The following GRB10 variants were observed in gnomAD, a reference collection of about 807,000 sequenced individuals.
GRB10 encodes growth factor receptor-bound protein 10.
Under a neutral mutation model 80.9 loss-of-function variants are expected in GRB10, and 20 were observed. The ratio of observed to expected loss-of-function variants is 0.25; its 90% confidence interval spans 0.17 to 0.36. GRB10 has a LOEUF of 0.36. Ranked by LOEUF, GRB10 falls within the 10% of genes least tolerant of loss-of-function variation. The pLI, the probability that GRB10 is intolerant of heterozygous loss-of-function variation, is 1.00. For missense variants in GRB10, 548 were observed against 747.7 expected, an observed-to-expected ratio of 0.73 and a Z score of 3.12; for synonymous variants, 291 against 291.5, an observed-to-expected ratio of 1.00 and a Z score of 0.02.
intron 5 of GRB10, among the ~76,000 whole-genome samples, chr7:50,693,497 AG>A (rs1219615489): frequency 2.0e-5 from 3 of 152,360 alleles, no homozygotes; most frequent in Admixed American, 6.5e-5. Flanking sequence ...GTCAGAAAAC[AG>A]CCGTAATGGG....
chr7:50,699,313 T>C (rs2063841906), intron 5 of GRB10, among the ~76,000 whole-genome samples: 1 of 152,260 alleles, frequency 6.6e-6, no homozygotes, highest in African/African-American at 2.4e-5. Context: ...CAGGCACTGC[T>C]GTCTAATTCT....
chr7:50,608,690 C>T (rs1472540174), intron 13 of GRB10, among the ~76,000 whole-genome samples: 2 of 152,100 alleles, frequency 1.3e-5, no homozygotes, highest in African/African-American at 4.8e-5. Flanking sequence ...TTAGGCCGGG[C>T]GCGGTGGTTC....
chr7:50,721,768 G>C (rs1188196775), intron 4 of GRB10, among the ~76,000 whole-genome samples: 1 of 152,166 alleles, frequency 6.6e-6, no homozygotes, highest in Non-Finnish European at 1.5e-5. Context: ...GGGTGGCTGA[G>C]GATGGGGGAG....
In GRB10 at chr7:50,732,255, T is replaced by A; in HGVS notation, c.51+17A>T. 6.2e-7 allele frequency: 1 copy of A among 1,613,516 alleles called. No homozygotes were observed. Among genetic ancestry groups the A allele is most frequent in the Non-Finnish European group, 8.5e-7 (1 of 1,179,478 alleles). On this transcript the variant is annotated intron_variant, in intron 4 of 18. Transcript: ENST00000401949. ...AGCACCATCGGGCCAGGATCAGATA[T>A]ATGTGCTCGCCCATACCTGGTAGTA... is the stretch of plus-strand genomic sequence containing the variant.
At chr7:50,656,180 C>T (rs932996717) in intron 7 of GRB10, among the ~76,000 whole-genome samples, 1 of 152,132 alleles carries the variant, frequency 6.6e-6, no homozygotes, top group Non-Finnish European at 1.5e-5. Context: ...AAGTTGGAAC[C>T]CTGAGGAGAC....
chr7:50,713,622 C>A (rs1262506639), intron 4 of GRB10, among the ~76,000 whole-genome samples: 1 of 132,338 alleles, frequency 7.6e-6, no homozygotes, highest in African/African-American at 2.5e-5. Context: ...CCTCCACCTC[C>A]TCCACCATCA....
chr7:50,719,661 T>C lies in GRB10; in HGVS notation c.51+12611A>G, dbSNP rs150054693. On this transcript the variant is annotated intron_variant, in intron 4 of 18. Transcript: ENST00000401949. ...ACCTATGTAACAAACCTGCACGTTCTGCACATATATCCCAAAATTTAAAGT... is the reference window on the plus strand; with the variant it reads ...ACCTATGTAACAAACCTGCACGTTCCGCACATATATCCCAAAATTTAAAGT... Among the ~76,000 whole-genome samples, 1,109 of 152,158 alleles carry C rather than the reference T, an allele frequency of 7.3e-3. 16 individuals are homozygous for C. The highest frequency in any genetic ancestry group is 0.025 in the African/African-American group (1,040 of 41,490).
intron 12 of GRB10, 100 bp from the exon 13 acceptor site, chr7:50,612,939 GC>G: frequency 1.3e-6 from 1 of 765,424 alleles, no homozygotes; most frequent in Non-Finnish European, 2.3e-6. Flanking sequence ...GAGACAACCA[GC>G]TGGAGATCCC....
At chr7:50,746,732 C>G (rs565664601) in intron 3 of GRB10, among the ~76,000 whole-genome samples, 1 of 152,294 alleles carries the variant, frequency 6.6e-6, no homozygotes, top group South Asian at 2.1e-4. Context: ...CATCCCCAAA[C>G]CCCTTCCTGC....
At chr7:50,761,549 C>T (rs2075767368) in intron 2 of GRB10, 1 of 152,096 alleles carries the variant, frequency 6.6e-6, no homozygotes, top group Admixed American at 6.5e-5. Context: ...AATGAAGAAG[C>T]AAAAATGACA....
At chr7:50,707,398 C>T (rs536044872) in intron 4 of GRB10, among the ~76,000 whole-genome samples, 2 of 152,196 alleles carry the variant, frequency 1.3e-5, no homozygotes, top group Non-Finnish European at 2.9e-5. Context: ...GTTTCTCAGC[C>T]ACCTCCTCAC....
chr7:50,644,732 G>A (rs766409019), intron 7 of GRB10, among the ~76,000 whole-genome samples: 4 of 152,142 alleles, frequency 2.6e-5, no homozygotes, highest in Non-Finnish European at 4.4e-5. Context: ...CGGGACATCA[G>A]CCTCTACACA....
At chr7:50,708,262 C>A (rs1226523549) in intron 4 of GRB10, among the ~76,000 whole-genome samples, 1 of 152,038 alleles carries the variant, frequency 6.6e-6, no homozygotes, top group Non-Finnish European at 1.5e-5. Context: ...TTATGAAATT[C>A]CAAGGTCAAA....
intron 7 of GRB10, among the ~76,000 whole-genome samples, chr7:50,666,869 T>C (rs2059862998): frequency 6.6e-6 from 1 of 151,758 alleles, no homozygotes; most frequent in Admixed American, 6.6e-5. Context: ...TGAAACCCCG[T>C]CTCTACTAAA....
intron 15 of GRB10, among the ~76,000 whole-genome samples, chr7:50,604,632 G>A (rs1208059331): frequency 4.6e-5 from 7 of 152,196 alleles, no homozygotes; most frequent in Non-Finnish European, 1.0e-4. Flanking sequence ...GAAGACATAC[G>A]ATGAAAACGC....
intron 2 of GRB10, among the ~76,000 whole-genome samples, chr7:50,775,621 C>T (rs2077550314): frequency 6.6e-6 from 1 of 152,236 alleles, no homozygotes. Context: ...TTTTGGCACT[C>T]CTGCCCCATG....
intron 8 of GRB10, among the ~76,000 whole-genome samples, chr7:50,619,700 G>T (rs1280764427): frequency 2.0e-5 from 3 of 152,222 alleles, no homozygotes; most frequent in Non-Finnish European, 2.9e-5. Context: ...AAGGTGCAGA[G>T]ATGGAAGGAG....
At chr7:50,725,567 A>G (rs1319975136) in intron 4 of GRB10, among the ~76,000 whole-genome samples, 1 of 152,234 alleles carries the variant, frequency 6.6e-6, no homozygotes, top group African/African-American at 2.4e-5. Flanking sequence ...CTCATAAGTA[A>G]AACAAAAACA....
At chr7:50,656,664 G>C (rs2058680902) in intron 7 of GRB10, among the ~76,000 whole-genome samples, 1 of 152,218 alleles carries the variant, frequency 6.6e-6, no homozygotes, top group Admixed American at 6.5e-5. Flanking sequence ...TTCCACCCCT[G>C]CTGGGGAAGG....
Sources: gnomAD v4.1 joint callset for allele counts (sites outside exome capture counted in the v4.1 genomes callset) on GRCh38, gnomAD v4.1.1 for gene constraint, MANE v1.5 for transcripts, NCBI Gene and HGNC (gene_info 2026-07-23, HGNC 2026-07-21) for gene names.